Variants in MTUS1 observed in about 807,000 individuals in gnomAD.
MTUS1 encodes microtubule-associated tumor suppressor 1.
A neutral mutation model predicts 120.8 loss-of-function variants in MTUS1; 109 were observed. That is an observed-to-expected ratio of 0.90 (90% CI 0.77 to 1.06). The LOEUF (loss-of-function observed/expected upper bound fraction) is 1.06. Among genes scored for constraint, MTUS1 ranks in the 50% least tolerant of loss-of-function variants. The pLI is 0.00. For synonymous variants in MTUS1, 737 were observed against 550.5 expected, an observed-to-expected ratio of 1.34 and a Z score of -4.74; for missense variants, 2,210 against 1,486.3, an observed-to-expected ratio of 1.49 and a Z score of -8.01.
chr8:17,763,242 G>C (rs10106689), intron 1 of MTUS1, among the ~76,000 whole-genome samples: 6 of 151,892 alleles, frequency 4.0e-5, no homozygotes, highest in African/African-American at 7.3e-5. Context: ...TACACACCTC[G>C]GCCTTCCAAA....
chr8:17,747,558 G>T (rs575829654), intron 2 of MTUS1, among the ~76,000 whole-genome samples: 42 of 152,280 alleles, frequency 2.8e-4, no homozygotes, highest in Middle Eastern at 3.4e-3. Flanking sequence ...ACAGCCTAAA[G>T]TGAGAACTTC....
intron 6 of MTUS1, among the ~76,000 whole-genome samples, chr8:17,710,954 T>C (rs1025254648): frequency 9.9e-5 from 15 of 152,214 alleles, no homozygotes; most frequent in Non-Finnish European, 2.1e-4. Context: ...CCAGGTGCAC[T>C]GTCAGTCGGC....
chr8:17,672,963 G>A (rs1412689530), intron 8 of MTUS1, among the ~76,000 whole-genome samples: 4 of 152,192 alleles, frequency 2.6e-5, no homozygotes, highest in East Asian at 3.8e-4. Flanking sequence ...GAAGCAGAGC[G>A]AATGGGCACA....
chr8:17,732,553 T>C (rs2046659645), intron 3 of MTUS1, among the ~76,000 whole-genome samples: 1 of 152,164 alleles, frequency 6.6e-6, no homozygotes, highest in Admixed American at 6.5e-5. Context: ...ATATCCTCTA[T>C]ATGGTGCTGA....
intron 6 of MTUS1, among the ~76,000 whole-genome samples, chr8:17,710,530 T>G (rs1821077795): frequency 6.6e-6 from 1 of 152,336 alleles, no homozygotes; most frequent in South Asian, 2.1e-4. Context: ...GTTCTCATCC[T>G]ATTTCTACCA....
intron 3 of MTUS1, among the ~76,000 whole-genome samples, chr8:17,726,608 A>T (rs2046245083): frequency 6.6e-6 from 1 of 152,186 alleles, no homozygotes; most frequent in Non-Finnish European, 1.5e-5. Flanking sequence ...CATTTTTACA[A>T]GCTTATTTGA....
chr8:17,644,825 G>A lies in MTUS1; in HGVS notation c.*1101C>T, dbSNP rs918551091. On this transcript the variant is annotated 3_prime_UTR_variant, in exon 15 of 15. Coordinates refer to ENST00000693296, the MANE Select transcript of MTUS1 (RefSeq NM_001363059.2). Reference sequence around the variant, plus strand: ...TATTTGGAAAGTGGTTTCAGCACCTGGAAGATGAGCTGGCTCTGGGGCTCT... The same window carrying A: ...TATTTGGAAAGTGGTTTCAGCACCTAGAAGATGAGCTGGCTCTGGGGCTCT... 7.9e-5 allele frequency: 12 copies of A among 152,164 alleles called. No individual in the cohort carries two copies. The highest frequency in any genetic ancestry group is 2.9e-4 in the African/African-American group (12 of 41,444). 9.4% of individuals were successfully genotyped at this position (152,164 alleles called of 1,614,324 possible).
At chr8:17,666,459 T>G (rs1466641686) in intron 8 of MTUS1, among the ~76,000 whole-genome samples, 1 of 152,152 alleles carries the variant, frequency 6.6e-6, no homozygotes, top group African/African-American at 2.4e-5. Context: ...TACTTCATAT[T>G]ATTCTTACTA....
chr8:17,654,080 G>C (rs1471306751), intron 10 of MTUS1: 1 of 164,566 alleles, frequency 6.1e-6, no homozygotes, highest in Admixed American at 5.8e-5. Context: ...TTAGTAGAAA[G>C]ACTGTGAGCG....
chr8:17,735,265 C>T (rs557781939), intron 3 of MTUS1, among the ~76,000 whole-genome samples: 1 of 152,226 alleles, frequency 6.6e-6, no homozygotes, highest in Admixed American at 6.5e-5. Flanking sequence ...TACTCTATTC[C>T]ACATTTCACT....
rs761892810 is a variant in MTUS1, at chr8:17,743,645, C to T, written c.2246G>A (p.Arg749Gln). 3.7e-6 allele frequency: 6 copies of T among 1,614,090 alleles called. No individual in the cohort carries two copies. Among genetic ancestry groups the T allele is most frequent in the Non-Finnish European group, 4.2e-6 (5 of 1,180,020 alleles). Reference sequence around the variant, plus strand: ...CCTGATCCTCTGAGGAGATACGGCTCGATCAGCACTGGGATTTCTATTGTC... The same window carrying T: ...CCTGATCCTCTGAGGAGATACGGCTTGATCAGCACTGGGATTTCTATTGTC... Reference protein sequence around the residue: ...NSDNRNPSADRAVSPQRIRRV... With the variant: ...NSDNRNPSADQAVSPQRIRRV... The change falls in exon 3 of 15, where the codon CGA becomes CAA. Residue 749 changes from arginine (R) to glutamine (Q), a missense_variant. Transcript: ENST00000693296.
intron 7 of MTUS1, 154 bp from the exon 8 acceptor site, chr8:17,675,406 G>A (rs1812896478): frequency 1.6e-6 from 1 of 614,166 alleles, no homozygotes; most frequent in African/African-American, 1.9e-5. Flanking sequence ...AAGAAACACA[G>A]TTGTCCCTTA....
intron 8 of MTUS1, among the ~76,000 whole-genome samples, chr8:17,658,024 GACACACACACACACACAC>G (rs58132896): frequency 1.4e-5 from 2 of 140,442 alleles, no homozygotes; most frequent in Admixed American, 1.5e-4. Flanking sequence ...TATATATATA[GACACACACACACACACAC>G]ACACACACAC....
chr8:17,749,908 T>G (rs965658104), intron 2 of MTUS1, among the ~76,000 whole-genome samples: 10 of 152,134 alleles, frequency 6.6e-5, no homozygotes, highest in Non-Finnish European at 1.5e-4. Context: ...CATGTTTGGC[T>G]CAGAATAAAT....
Position 17,754,971 on chromosome 8 carries a change from T to C in MTUS1, c.837A>G (p.Ser279=), listed in dbSNP as rs752710972. ...GKVTSEYTDG[S]QQRLVGEKET... is the part of the protein sequence containing the mutation. ...CCTTTTCTCCAACTAGTCTTTGTTG[T>C]GATCCATCTGTGTACTCACTGGTGA... is the stretch of plus-strand genomic sequence containing the variant. The change falls in exon 2 of 15, where the codon TCA becomes TCG. Residue 279 remains serine (S), a synonymous_variant. Transcript: ENST00000693296. The C allele has an allele frequency of 3.1e-6, 5 of 1,614,124 alleles. No homozygotes were observed. In the South Asian group the frequency reaches 5.5e-5, roughly 18 times the overall value.
At chr8:17,727,566 A>G (rs2046303335) in intron 3 of MTUS1, among the ~76,000 whole-genome samples, 1 of 152,260 alleles carries the variant, frequency 6.6e-6, no homozygotes, top group African/African-American at 2.4e-5. Flanking sequence ...TAAAGTTGGC[A>G]ATACTAAAAC....
At chr8:17,747,127 T>C (rs1002932231) in intron 2 of MTUS1, among the ~76,000 whole-genome samples, 1 of 152,178 alleles carries the variant, frequency 6.6e-6, no homozygotes, top group African/African-American at 2.4e-5. Context: ...CCAGATAACA[T>C]CTTCTTCACA....
At chr8:17,696,851 T>C (rs1818074781) in intron 6 of MTUS1, among the ~76,000 whole-genome samples, 1 of 152,214 alleles carries the variant, frequency 6.6e-6, no homozygotes, top group South Asian at 2.1e-4. Flanking sequence ...ACTGAGAAAC[T>C]ATCCAATGAA....
intron 10 of MTUS1, chr8:17,654,326 C>T (rs1807723926): frequency 1.9e-6 from 1 of 534,754 alleles, no homozygotes; most frequent in African/African-American, 1.9e-5. Flanking sequence ...CCTTTACAGT[C>T]TTCCAAAGCC....
Sources: gnomAD v4.1 joint callset for allele counts (sites outside exome capture counted in the v4.1 genomes callset) on GRCh38, gnomAD v4.1.1 for gene constraint, MANE v1.5 for transcripts, NCBI Gene and HGNC (gene_info 2026-07-23, HGNC 2026-07-21) for gene names.